The following PKP4 variants were observed in gnomAD, a reference collection of about 807,000 sequenced individuals.
PKP4 encodes the protein plakophilin 4.
A neutral mutation model predicts 145.1 loss-of-function variants in PKP4; 90 were observed. That is an observed-to-expected ratio of 0.62 (90% CI 0.52 to 0.74). The LOEUF is 0.74. PKP4 is among the 30% of genes least tolerant of loss of function. The pLI is 0.00. For missense variants in PKP4, 1,340 were observed against 1,482.7 expected (o/e 0.90, Z 1.58); for synonymous variants, 563 against 577.2 (o/e 0.98, Z 0.35).
intron 1 of PKP4, among the ~76,000 whole-genome samples, chr2:158,473,310 A>G (rs1412151323): frequency 1.3e-5 from 2 of 152,226 alleles, no homozygotes; most frequent in Non-Finnish European, 2.9e-5. Context: ...ACTACTGGGT[A>G]TATACCCAGA....
intron 1 of PKP4, among the ~76,000 whole-genome samples, chr2:158,514,327 C>T (rs1199591301): frequency 6.6e-6 from 1 of 152,186 alleles, no homozygotes; most frequent in African/African-American, 2.4e-5. Flanking sequence ...ATCATCCAGT[C>T]CATTGCGTTC....
chr2:158,557,273 T>C (rs1052289210), intron 2 of PKP4, among the ~76,000 whole-genome samples: 1 of 151,166 alleles, frequency 6.6e-6, no homozygotes, highest in African/African-American at 2.4e-5. Context: ...AATACTATTA[T>C]CATGATACCT....
intron 7 of PKP4, among the ~76,000 whole-genome samples, chr2:158,630,752 C>CCACT (rs1331967509): frequency 6.6e-6 from 1 of 152,140 alleles, no homozygotes; most frequent in Non-Finnish European, 1.5e-5. Context: ...GCAGCATGAA[C>CCACT]CACTGCTCAT....
At chr2:158,535,269 T>C (rs1305123196) in intron 2 of PKP4, among the ~76,000 whole-genome samples, 1 of 152,200 alleles carries the variant, frequency 6.6e-6, no homozygotes, top group Non-Finnish European at 1.5e-5. Flanking sequence ...GTAAGAAAAC[T>C]AATTACCATT....
At chr2:158,675,341 A>G (rs2057916991) in intron 19 of PKP4, among the ~76,000 whole-genome samples, 1 of 151,184 alleles carries the variant, frequency 6.6e-6, no homozygotes. Context: ...TTAGTTCCTC[A>G]GTTATTGTTA....
intron 1 of PKP4, among the ~76,000 whole-genome samples, chr2:158,522,209 A>C (rs1431994908): frequency 6.6e-6 from 1 of 152,212 alleles, no homozygotes; most frequent in African/African-American, 2.4e-5. Context: ...GTAGAGAAAA[A>C]TCCAGTATTT....
intron 1 of PKP4, among the ~76,000 whole-genome samples, chr2:158,471,504 C>G (rs978418949): frequency 6.6e-6 from 1 of 152,216 alleles, no homozygotes; most frequent in Non-Finnish European, 1.5e-5. Context: ...CAAAAAAAGC[C>G]TTCAAGTGCT....
chr2:158,466,733 C>G (rs549720419), intron 1 of PKP4, among the ~76,000 whole-genome samples: 1 of 152,188 alleles, frequency 6.6e-6, no homozygotes, highest in South Asian at 2.1e-4. Context: ...AGATTTTAAA[C>G]AGATTGGTTC....
chr2:158,550,780 T>G (rs1318567996), intron 2 of PKP4, among the ~76,000 whole-genome samples: 1 of 152,240 alleles, frequency 6.6e-6, no homozygotes, highest in African/African-American at 2.4e-5. Flanking sequence ...ATTTATTGAT[T>G]TAGGTACATT....
In PKP4 at chr2:158,634,663, G is replaced by A. The variant is rs371702576; in HGVS notation, c.1562+374G>A. Among the ~76,000 whole-genome samples the A allele has an allele frequency of 4.6e-5, 7 of 152,272 alleles. No individual in the cohort carries two copies. In the South Asian group the frequency reaches 1.2e-3, roughly 27 times the overall value. On this transcript the variant is annotated intron_variant, in intron 9 of 21. Coordinates refer to ENST00000389759, the MANE Select transcript of PKP4 (RefSeq NM_003628.6). ...ATCCTGACCGACTTCTTCGATAACAGCTTCAAAAAATGGATTTGGTTATTA... is the reference window on the plus strand; with the variant it reads ...ATCCTGACCGACTTCTTCGATAACAACTTCAAAAAATGGATTTGGTTATTA...
At chr2:158,588,168 T>G (rs911076493) in intron 3 of PKP4, 3 of 152,176 alleles carry the variant, frequency 2.0e-5, no homozygotes, top group African/African-American at 7.2e-5. Flanking sequence ...CTGGAAAATA[T>G]ATAATGAGAA....
chr2:158,648,528 G>A (rs1213468229), intron 11 of PKP4, among the ~76,000 whole-genome samples: 4 of 152,162 alleles, frequency 2.6e-5, no homozygotes, highest in Non-Finnish European at 4.4e-5. Context: ...TGTCCCCTTA[G>A]CCTAATTAAT....
At chr2:158,673,056 T>A (rs1171994775) in intron 17 of PKP4, among the ~76,000 whole-genome samples, 5 of 152,244 alleles carry the variant, frequency 3.3e-5, no homozygotes, top group African/African-American at 9.6e-5. Flanking sequence ...GCCACTGACT[T>A]AACAGCAGCA....
At chr2:158,500,923 G>C (rs1696462721) in intron 1 of PKP4, among the ~76,000 whole-genome samples, 1 of 152,090 alleles carries the variant, frequency 6.6e-6, no homozygotes, top group African/African-American at 2.4e-5. Context: ...CAGCCTCCCT[G>C]CTTTTACTCT....
chr2:158,478,131 A>G (rs552755040), intron 1 of PKP4, among the ~76,000 whole-genome samples: 89 of 152,162 alleles, frequency 5.8e-4, no homozygotes, highest in African/African-American at 2.0e-3. Context: ...CTTAATGTTA[A>G]CCTCATGTTA....
intron 2 of PKP4, among the ~76,000 whole-genome samples, chr2:158,559,705 G>A (rs2046362544): frequency 6.6e-6 from 1 of 152,126 alleles, no homozygotes; most frequent in African/African-American, 2.4e-5. Context: ...CAGAAAACAA[G>A]GGCAGAGTTT....
chr2:158,591,727 T>C (rs867010965), intron 3 of PKP4, among the ~76,000 whole-genome samples: 1 of 152,114 alleles, frequency 6.6e-6, no homozygotes, highest in African/African-American at 2.4e-5. Context: ...TAAATAAATG[T>C]CATTTATTAG....
chr2:158,627,821 AAT>A (rs2052953335), intron 7 of PKP4, among the ~76,000 whole-genome samples: 1 of 151,664 alleles, frequency 6.6e-6, no homozygotes, highest in African/African-American at 2.4e-5. Flanking sequence ...TAGCTAAACT[AAT>A]ATGTTTGTGG....
chr2:158,619,980 A>G (rs1478363476), intron 4 of PKP4, among the ~76,000 whole-genome samples: 2 of 152,104 alleles, frequency 1.3e-5, no homozygotes, highest in South Asian at 2.1e-4. Context: ...TCATAACTGC[A>G]TAGGGCCTGG....
Sources: allele counts gnomAD v4.1 joint callset (sites outside exome capture counted in the v4.1 genomes callset), GRCh38; gene constraint gnomAD v4.1.1; transcripts MANE v1.5; gene names NCBI Gene and HGNC (gene_info 2026-07-23, HGNC 2026-07-21).